Variants in CDH18 observed in about 807,000 individuals in gnomAD.
The protein encoded by CDH18 is cadherin-18.
A neutral mutation model predicts 67.9 loss-of-function variants in CDH18; 31 were observed. The observed-to-expected ratio is 0.46, with a 90% confidence interval of 0.34 to 0.62. The LOEUF (loss-of-function observed/expected upper bound fraction) is 0.62. Among genes scored for constraint, CDH18 ranks in the 20% least tolerant of loss-of-function variants. CDH18 has a pLI of 0.01. For missense variants in CDH18, 890 were observed against 975.5 expected (o/e 0.91, Z 1.17); for synonymous variants, 362 against 347.2 (o/e 1.04, Z -0.48).
At chr5:20,501,569 AATATATATATATTATATATATATAT>A (rs1561069395) in intron 1 of CDH18, among the ~76,000 whole-genome samples, 305 of 16,156 alleles carry the variant, frequency 0.019, 10 homozygotes, top group African/African-American at 0.034. Flanking sequence ...ATATATATAT[AATATATATATATTATATATATATAT>A]TATATATATA....
At chr5:20,170,142 A>G (rs1736581288) in intron 2 of CDH18, among the ~76,000 whole-genome samples, 1 of 152,024 alleles carries the variant, frequency 6.6e-6, no homozygotes, top group Non-Finnish European at 1.5e-5. Flanking sequence ...TAAGACCCTC[A>G]TGCATTGGCT....
At chr5:19,822,962 C>T (rs1027829615) in intron 3 of CDH18, among the ~76,000 whole-genome samples, 1 of 152,108 alleles carries the variant, frequency 6.6e-6, no homozygotes, top group Admixed American at 6.5e-5. Flanking sequence ...ATTTTAGAGG[C>T]CCACCCTCAG....
intron 1 of CDH18, among the ~76,000 whole-genome samples, chr5:20,324,771 C>T (rs1738392822): frequency 6.6e-6 from 1 of 152,030 alleles, no homozygotes; most frequent in African/African-American, 2.4e-5. Context: ...CAGTCTGACA[C>T]CAAAAAACAC....
chr5:19,705,042 T>C (rs1181476478), intron 5 of CDH18, among the ~76,000 whole-genome samples: 1 of 152,212 alleles, frequency 6.6e-6, no homozygotes, highest in African/African-American at 2.4e-5. Context: ...GCGTTTTCAC[T>C]GGAAAGTGTT....
chr5:20,131,530 C>A (rs931554291), intron 2 of CDH18, among the ~76,000 whole-genome samples: 1 of 151,922 alleles, frequency 6.6e-6, no homozygotes, highest in African/African-American at 2.4e-5. Context: ...AAACAAATTG[C>A]AGGTAATAGC....
At chr5:19,524,725 C>T (rs1264678352) in intron 9 of CDH18, among the ~76,000 whole-genome samples, 1 of 152,052 alleles carries the variant, frequency 6.6e-6, no homozygotes, top group Non-Finnish European at 1.5e-5. Flanking sequence ...AGCAACCTTA[C>T]TTGTTCCTGA....
intron 1 of CDH18, among the ~76,000 whole-genome samples, chr5:20,543,835 G>A (rs981348958): frequency 6.6e-6 from 1 of 152,132 alleles, no homozygotes; most frequent in African/African-American, 2.4e-5. Context: ...ATGATTCTAT[G>A]TATATTCTGG....
At chr5:19,497,831 G>C (rs1170079151) in intron 11 of CDH18, among the ~76,000 whole-genome samples, 3 of 152,178 alleles carry the variant, frequency 2.0e-5, no homozygotes, top group African/African-American at 7.2e-5. Flanking sequence ...GCTCGTAGGA[G>C]TTACTTCCAT....
At chr5:20,070,082 C>T (rs1165461059) in intron 2 of CDH18, among the ~76,000 whole-genome samples, 1 of 152,132 alleles carries the variant, frequency 6.6e-6, no homozygotes, top group Non-Finnish European at 1.5e-5. Flanking sequence ...CTGTTTGTTC[C>T]TCAACTAGTG....
At chr5:19,574,679 C>T (rs1742014669) in intron 7 of CDH18, among the ~76,000 whole-genome samples, 1 of 151,916 alleles carries the variant, frequency 6.6e-6, no homozygotes, top group African/African-American at 2.4e-5. Flanking sequence ...TACTCAAGTA[C>T]CCATCTTCCA....
At chr5:20,502,063 C>T (rs1754366991) in intron 1 of CDH18, among the ~76,000 whole-genome samples, 1 of 152,088 alleles carries the variant, frequency 6.6e-6, no homozygotes, top group African/African-American at 2.4e-5. Context: ...GCTGCTCTGA[C>T]ACCATTGTTC....
chr5:20,496,693 G>A (rs1316321290), intron 1 of CDH18, among the ~76,000 whole-genome samples: 6 of 151,976 alleles, frequency 3.9e-5, no homozygotes, highest in African/African-American at 1.4e-4. Flanking sequence ...TGTATGGCAT[G>A]GAAAATATTA....
intron 1 of CDH18, among the ~76,000 whole-genome samples, chr5:20,279,259 TAA>T (rs1466293042): frequency 1.3e-5 from 2 of 152,060 alleles, no homozygotes; most frequent in Admixed American, 1.3e-4. Context: ...TATATTTATA[TAA>T]GACAAAATAG....
chr5:19,660,977 A>G (rs1032196270), intron 5 of CDH18, among the ~76,000 whole-genome samples: 1 of 150,912 alleles, frequency 6.6e-6, no homozygotes, highest in Non-Finnish European at 1.5e-5. Flanking sequence ...AATAACGGTG[A>G]AAAAAAAAGA....
At chr5:20,163,605 T>C (rs962672629) in intron 2 of CDH18, among the ~76,000 whole-genome samples, 16 of 152,204 alleles carry the variant, frequency 1.1e-4, no homozygotes. Flanking sequence ...CCATCTCTAG[T>C]TTCTTATCTT....
chr5:19,936,601 T>C (rs911809889), intron 2 of CDH18, among the ~76,000 whole-genome samples: 25 of 151,146 alleles, frequency 1.7e-4, no homozygotes, highest in African/African-American at 5.6e-4. Flanking sequence ...ACAATTTTGC[T>C]TCTTAGATGT....
chr5:19,988,435 C>A (rs1172267463), upstream of CDH18, among the ~76,000 whole-genome samples: 1 of 151,868 alleles, frequency 6.6e-6, no homozygotes, highest in Non-Finnish European at 1.5e-5. Flanking sequence ...GCAAGCAAAA[C>A]GGACACCCTT....
At chr5:20,077,244 T>G (rs1036120686) in intron 2 of CDH18, among the ~76,000 whole-genome samples, 3 of 152,202 alleles carry the variant, frequency 2.0e-5, no homozygotes, top group Admixed American at 2.0e-4. Flanking sequence ...AAGCAATTCT[T>G]GAGTTTAAGG....
intron 2 of CDH18, among the ~76,000 whole-genome samples, chr5:20,176,905 T>C (rs1737278190): frequency 6.6e-6 from 1 of 152,126 alleles, no homozygotes; most frequent in South Asian, 2.1e-4. Flanking sequence ...ATTTGCAAAA[T>C]GTTTGCACAG....
Sources: gnomAD v4.1 joint callset for allele counts (sites outside exome capture counted in the v4.1 genomes callset) on GRCh38, gnomAD v4.1.1 for gene constraint, MANE v1.5 for transcripts, NCBI Gene and HGNC (gene_info 2026-07-23, HGNC 2026-07-21) for gene names.